The following FBXW8 variants were observed in gnomAD, a reference collection of about 807,000 sequenced individuals.
The protein encoded by FBXW8 is F-box and WD repeat domain containing 8, also known as F-box/WD repeat-containing protein 8.
A neutral mutation model predicts 65.3 loss-of-function variants in FBXW8; 57 were observed. The ratio of observed to expected loss-of-function variants is 0.87; its 90% CI spans 0.71 to 1.09. FBXW8 has a LOEUF of 1.09. FBXW8 is among the 50% of genes least tolerant of loss of function. The pLI is 0.00. For synonymous variants in FBXW8, 308 were observed against 330.2 expected, an observed-to-expected ratio of 0.93 and a Z score of 0.73; for missense variants, 777 against 814.8, an observed-to-expected ratio of 0.95 and a Z score of 0.57.
intron 4 of FBXW8, among the ~76,000 whole-genome samples, chr12:116,959,608 G>T (rs549061116): frequency 6.6e-6 from 1 of 152,312 alleles, no homozygotes; most frequent in South Asian, 2.1e-4. Flanking sequence ...AAGAAGAAAG[G>T]TTGTTTTTAG....
At chr12:116,944,316 C>T (rs904617895) in intron 2 of FBXW8, among the ~76,000 whole-genome samples, 1 of 152,140 alleles carries the variant, frequency 6.6e-6, no homozygotes, top group Non-Finnish European at 1.5e-5. Flanking sequence ...GGTCTTTAAT[C>T]TGCCATCCTG....
intron 8 of FBXW8, among the ~76,000 whole-genome samples, chr12:117,016,360 G>A (rs966087135): frequency 2.6e-5 from 4 of 152,180 alleles, no homozygotes; most frequent in African/African-American, 4.8e-5. Context: ...GCATTTCTCT[G>A]ACAGCCAGTG....
At chr12:116,943,407 T>C (rs900037555) in intron 2 of FBXW8, among the ~76,000 whole-genome samples, 1 of 152,250 alleles carries the variant, frequency 6.6e-6, no homozygotes, top group Non-Finnish European at 1.5e-5. Context: ...TTAGTGACTT[T>C]TCTGGAATAA....
At position 116,961,922 on chromosome 12, in the gene FBXW8, C is replaced by T. The variant is rs914358768; in HGVS notation, c.678-2775C>T. Among the ~76,000 whole-genome samples the T allele has an allele frequency of 2.6e-5, 4 of 152,156 alleles. No homozygotes were observed. Among genetic ancestry groups the T allele is most frequent in the African/African-American group, 9.6e-5 (4 of 41,508 alleles). ...TCCGAATCAGGGAGCCTGTAGTAGT[C>T]GGGTGTGAATGTGAGGTGTTGGGGG... On this transcript the variant is annotated intron_variant, in intron 4 of 10. Coordinates refer to ENST00000652555, the MANE Select transcript of FBXW8 (RefSeq NM_153348.3). The surrounding 1 kb of genome is among the most constrained non-coding windows in gnomAD (Gnocchi z 4.4).
chr12:117,016,766 C>T (rs546524230), intron 8 of FBXW8, among the ~76,000 whole-genome samples: 1 of 151,964 alleles, frequency 6.6e-6, no homozygotes, highest in East Asian at 1.9e-4. Context: ...AGTTTTGGCT[C>T]TTACACTGAG....
rs527897409 is a variant in FBXW8, at chr12:116,992,358, C to T, written c.1239+3489C>T. ...GGTTTGCCAGCAGTGTTATGGGCCA[C>T]GTAAAGTCATAGAAAAAAATAGCAA... On this transcript the variant is annotated intron_variant, in intron 7 of 10. Transcript: ENST00000652555. Among the ~76,000 whole-genome samples, 14 of 150,522 alleles carry T rather than the reference C, an allele frequency of 9.3e-5. No individual in the cohort carries two copies. In the South Asian group the frequency reaches 2.7e-3, roughly 29 times the overall value.
chr12:116,930,202 G>A (rs1593050059), intron 2 of FBXW8, among the ~76,000 whole-genome samples: 1 of 152,174 alleles, frequency 6.6e-6, no homozygotes, highest in African/African-American at 2.4e-5. Flanking sequence ...AACCAGAATT[G>A]CTGAATCATA....
intron 2 of FBXW8, among the ~76,000 whole-genome samples, chr12:116,945,079 CATTTTATGT>C (rs566028257): frequency 6.6e-6 from 1 of 152,100 alleles, no homozygotes; most frequent in Non-Finnish European, 1.5e-5. Context: ...ATATTTTTTG[CATTTTATGT>C]ATTTGTGTAT....
At chr12:116,955,159 T>A (rs1366122069) in intron 4 of FBXW8, among the ~76,000 whole-genome samples, 1 of 151,834 alleles carries the variant, frequency 6.6e-6, no homozygotes, top group Non-Finnish European at 1.5e-5. Flanking sequence ...GATTCCACAC[T>A]CTCTGGACTT....
chr12:116,986,159 G>C (rs921889048), intron 6 of FBXW8: 1 of 152,168 alleles, frequency 6.6e-6, no homozygotes, highest in African/African-American at 2.4e-5. Flanking sequence ...TTGAGGGCCT[G>C]ACCTGGAACC....
At chr12:117,022,917 GTT>G (rs1954135189) in intron 8 of FBXW8, among the ~76,000 whole-genome samples, 1 of 152,122 alleles carries the variant, frequency 6.6e-6, no homozygotes, top group South Asian at 2.1e-4. Flanking sequence ...TAATAGGAAG[GTT>G]TGTCCTGTGT....
chr12:117,024,395 G>A, intron 9 of FBXW8, 75 bp downstream of exon 9: 6 of 1,558,634 alleles, frequency 3.8e-6, no homozygotes, highest in Non-Finnish European at 4.4e-6. Context: ...CCTGCACCAG[G>A]CACGGTGCTA....
Position 116,928,175 on chromosome 12 carries a change from A to G in FBXW8, c.423+48A>G, listed in dbSNP as rs142434867. 285 of 1,143,418 alleles carry G rather than the reference A, an allele frequency of 2.5e-4. No individual in the cohort carries two copies. The African/African-American group carries it at 3.9e-3, about 16-fold the overall frequency. 70.8% of individuals were successfully genotyped at this position (1,143,418 alleles called of 1,614,324 possible). A position where few individuals can be genotyped will look rare whatever the true frequency, so the allele number is the denominator to read the frequency against. On this transcript the variant is annotated intron_variant, in intron 2 of 10. Coordinates refer to ENST00000652555, the MANE Select transcript of FBXW8 (RefSeq NM_153348.3). ...TCCAGATTTTCCTAAATGTGTGATT[A>G]AGGTATAGGACTCTCCGGGGTAATA...
chr12:116,957,345 A>G (rs1325601616), intron 4 of FBXW8, among the ~76,000 whole-genome samples: 1 of 152,210 alleles, frequency 6.6e-6, no homozygotes, highest in Non-Finnish European at 1.5e-5. Context: ...CTGTCTCAAA[A>G]AAAATTTTTT....
At chr12:117,026,679 C>T (rs1047027812) in intron 9 of FBXW8, among the ~76,000 whole-genome samples, 1 of 152,180 alleles carries the variant, frequency 6.6e-6, no homozygotes. Flanking sequence ...CTTGTAACAT[C>T]GCTCGTGCTA....
intron 1 of FBXW8, among the ~76,000 whole-genome samples, chr12:116,923,205 CAAAAG>C (rs1013440892): frequency 6.6e-6 from 1 of 151,826 alleles, no homozygotes; most frequent in African/African-American, 2.4e-5. Context: ...GACTCTGTCT[CAAAAG>C]AAAAGGAGGT....
rs1320476859 is a variant in FBXW8, at chr12:117,026,634, C to A, written c.1542-760C>A. 2.0e-5 allele frequency among the ~76,000 whole-genome samples: 3 copies of A among 152,204 alleles called. No individual in the cohort carries two copies. The South Asian group carries it at 6.2e-4, about 31-fold the overall frequency. On this transcript the variant is annotated intron_variant, in intron 9 of 10. Transcript: ENST00000652555. ...CAGCCCACAGCACCTCCTGCTCCTC[C>A]CAGCACTTAACTCTGGGTCACACAT...
At position 117,024,321 on chromosome 12, in the gene FBXW8, G is replaced by A; in HGVS notation, c.1541+1G>A. On this transcript the variant is annotated splice_donor_variant, in intron 9 of 10. Coordinates refer to ENST00000652555, the MANE Select transcript of FBXW8 (RefSeq NM_153348.3). LOFTEE classifies it high-confidence loss of function. ...AGAAGCTGTGGGAGGTGTATTCCGG[G>A]TAAGGTGCATTCTAGACACTCTTGG... is the stretch of plus-strand genomic sequence containing the variant. The A allele has an allele frequency of 1.2e-6, 2 of 1,614,106 alleles. No individual in the cohort carries two copies. The highest frequency in any genetic ancestry group is 1.7e-6 in the Non-Finnish European group (2 of 1,179,970).
chr12:117,028,062 G>A lies in FBXW8; in HGVS notation c.1687G>A (p.Val563Met), dbSNP rs56350562. 40 of 1,614,076 alleles carry A rather than the reference G, an allele frequency of 2.5e-5. No homozygotes were observed. The highest frequency in any genetic ancestry group is 3.4e-5 in the Non-Finnish European group (40 of 1,180,016). The change falls in exon 11 of 11, where the codon GTG (valine) becomes ATG (methionine). Residue 563 changes from valine to methionine, a missense_variant. Transcript: ENST00000652555. This position sits in a 1 kb window ranked among gnomAD's most constrained non-coding sequence, Gnocchi z 4.1. ...RGLIRAYEFA[V>M]DQLAFQSPLP... is the part of the protein sequence containing the mutation. ...GCTGATCCGCGCCTATGAGTTTGCG[G>A]TGGACCAGCTGGCCTTCCAGAGCCC...
Sources: allele counts gnomAD v4.1 joint callset (sites outside exome capture counted in the v4.1 genomes callset), GRCh38; gene constraint gnomAD v4.1.1; non-coding constraint Gnocchi (gnomAD v3.1); transcripts MANE v1.5; gene names NCBI Gene and HGNC (gene_info 2026-07-23, HGNC 2026-07-21).